Variants in DENND5B observed in about 807,000 individuals in gnomAD.
DENND5B encodes the protein DENN domain-containing protein 5B.
DENND5B carries 34 observed loss-of-function variants against 140.6 expected under a neutral mutation model. That is an observed-to-expected ratio of 0.24 (90% CI 0.18 to 0.32). The LOEUF is 0.32. DENND5B is among the 10% of genes least tolerant of loss of function. The pLI, the probability that DENND5B is intolerant of heterozygous loss-of-function variation, is 1.00. For missense variants in DENND5B, 1,142 were observed against 1,560.2 expected (o/e 0.73, Z 4.52); for synonymous variants, 551 against 562.1 (o/e 0.98, Z 0.28).
intron 1 of DENND5B, among the ~76,000 whole-genome samples, chr12:31,505,639 C>T (rs1947168872): frequency 6.6e-6 from 1 of 152,122 alleles, no homozygotes; most frequent in Non-Finnish European, 1.5e-5. Flanking sequence ...CCATGACAAG[C>T]TTGTTATCCT....
chr12:31,429,451 C>G (rs1943411606), intron 8 of DENND5B, among the ~76,000 whole-genome samples: 1 of 152,220 alleles, frequency 6.6e-6, no homozygotes, highest in African/African-American at 2.4e-5. Context: ...TTCTGTCACC[C>G]AGGCTGGAGT....
chr12:31,411,040 CTTTT>C (rs59646978), intron 13 of DENND5B, among the ~76,000 whole-genome samples: 8 of 140,252 alleles, frequency 5.7e-5, no homozygotes, highest in Non-Finnish European at 1.1e-4. Context: ...GCATAAATCA[CTTTT>C]TTTTTTTTTT....
chr12:31,409,193 T>A, intron 14 of DENND5B, 70 bp downstream of exon 14: 1 of 1,452,516 alleles, frequency 6.9e-7, no homozygotes, highest in Non-Finnish European at 9.1e-7. Flanking sequence ...TATCTTGCTT[T>A]AAAAAATATA....
intron 6 of DENND5B, among the ~76,000 whole-genome samples, chr12:31,447,063 GC>G (rs1944308098): frequency 6.6e-6 from 1 of 152,142 alleles, no homozygotes; most frequent in African/African-American, 2.4e-5. Flanking sequence ...CCTGAGGTCA[GC>G]AGTTCAAGAC....
chr12:31,397,522 T>C (rs994251463), intron 17 of DENND5B, among the ~76,000 whole-genome samples: 1 of 106,298 alleles, frequency 9.4e-6, no homozygotes, highest in African/African-American at 3.7e-5. Context: ...CACTCCAGCC[T>C]GGGTGACAGA....
intron 1 of DENND5B, among the ~76,000 whole-genome samples, chr12:31,560,831 T>C (rs902975701): frequency 6.6e-6 from 1 of 152,198 alleles, no homozygotes; most frequent in Non-Finnish European, 1.5e-5. Flanking sequence ...AAATATCTAC[T>C]TGGCTAACTC....
chr12:31,438,691 CA>C (rs958595733), intron 7 of DENND5B, among the ~76,000 whole-genome samples: 1 of 152,020 alleles, frequency 6.6e-6, no homozygotes, highest in Non-Finnish European at 1.5e-5. Flanking sequence ...ACAAAATGTA[CA>C]AAGACCTGGG....
chr12:31,480,675 C>T (rs1251986249), intron 2 of DENND5B, among the ~76,000 whole-genome samples: 5 of 152,114 alleles, frequency 3.3e-5, no homozygotes, highest in African/African-American at 1.2e-4. Flanking sequence ...TTAAAAAGCA[C>T]TTCACAAAAA....
intron 9 of DENND5B, 31 bp from the exon 10 acceptor site, chr12:31,424,718 C>T (rs1224634117): frequency 6.3e-7 from 1 of 1,599,500 alleles, no homozygotes; most frequent in South Asian, 1.1e-5. Flanking sequence ...CATAAGGCAC[C>T]CCAGCAGTGA....
At chr12:31,500,262 T>C (rs1946950506) in intron 1 of DENND5B, 14 of 414,670 alleles carry the variant, frequency 3.4e-5, no homozygotes, top group South Asian at 2.3e-4. Flanking sequence ...GCATCCCTAA[T>C]TAGAAAATTA....
intron 1 of DENND5B, among the ~76,000 whole-genome samples, chr12:31,575,481 T>C (rs540181717): frequency 6.6e-6 from 1 of 152,304 alleles, no homozygotes; most frequent in African/African-American, 2.4e-5. Context: ...CTTTTTGCTG[T>C]TTTAGTCCTG....
At chr12:31,454,382 T>C (rs1167771804) in intron 4 of DENND5B, among the ~76,000 whole-genome samples, 8 of 152,182 alleles carry the variant, frequency 5.3e-5, no homozygotes, top group Non-Finnish European at 1.0e-4. Flanking sequence ...CAGTTTTCTC[T>C]AAATAAATAA....
chr12:31,442,800 A>G lies in DENND5B; in HGVS notation c.1987T>C (p.Leu663=). 1 of 1,613,746 alleles carries G rather than the reference A, an allele frequency of 6.2e-7. No homozygotes were observed. The part of the protein sequence containing the change: ...GFFPKLQSDV[L]ATGPTSNNRW... ...TTGTTACTGGTTGGTCCTGTTGCCAAGACATCGGACTGTAACTTTGGAAAG... is the reference window on the plus strand; with the variant it reads ...TTGTTACTGGTTGGTCCTGTTGCCAGGACATCGGACTGTAACTTTGGAAAG... Residue 663 remains leucine (L), a synonymous_variant, in exon 7 of 21, where the codon TTG becomes CTG. Transcript: ENST00000389082.
At chr12:31,409,232 T>G in intron 14 of DENND5B, 31 bp downstream of exon 14, 1 of 1,543,388 alleles carries the variant, frequency 6.5e-7, no homozygotes, top group Non-Finnish European at 8.7e-7. Flanking sequence ...GTCACCTCAG[T>G]AACCCTTAAC....
intron 11 of DENND5B, 148 bp downstream of exon 11, chr12:31,423,449 G>C (rs11051425): frequency 1.4e-6 from 1 of 729,400 alleles, no homozygotes; most frequent in Non-Finnish European, 2.2e-6. Context: ...CTCACAGTTA[G>C]TAAGTAATAT....
intron 1 of DENND5B, among the ~76,000 whole-genome samples, chr12:31,525,706 A>G (rs927687516): frequency 6.6e-6 from 1 of 152,234 alleles, no homozygotes; most frequent in Non-Finnish European, 1.5e-5. Context: ...AAAAAATTCT[A>G]TGAGGTCAGG....
intron 1 of DENND5B, among the ~76,000 whole-genome samples, chr12:31,550,902 T>C (rs1487821251): frequency 1.3e-5 from 2 of 152,230 alleles, no homozygotes; most frequent in African/African-American, 2.4e-5. Context: ...CGCCCACTTG[T>C]TGATGGGGTT....
At chr12:31,547,203 T>C (rs1427166626) in intron 1 of DENND5B, among the ~76,000 whole-genome samples, 4 of 152,206 alleles carry the variant, frequency 2.6e-5, no homozygotes, top group Non-Finnish European at 4.4e-5. Flanking sequence ...GTTAAACATA[T>C]ATCTAAGGCC....
chr12:31,554,504 CTTCAT>C (rs1407573805), intron 1 of DENND5B, among the ~76,000 whole-genome samples: 1 of 152,090 alleles, frequency 6.6e-6, no homozygotes, highest in Non-Finnish European at 1.5e-5. Flanking sequence ...ACATTTTTTC[CTTCAT>C]TTCAACTTTG....
Sources: allele counts gnomAD v4.1 joint callset (sites outside exome capture counted in the v4.1 genomes callset), GRCh38; gene constraint gnomAD v4.1.1; transcripts MANE v1.5; gene names NCBI Gene and HGNC (gene_info 2026-07-23, HGNC 2026-07-21).